The following PRPF8 variants were observed in gnomAD, a reference collection of about 807,000 sequenced individuals.
The protein encoded by PRPF8 is pre-mRNA-processing-splicing factor 8.
In PRPF8, 64 loss-of-function variants were observed where a neutral mutation model predicts 285.9. That is an observed-to-expected ratio of 0.22 (90% CI 0.18 to 0.28). The LOEUF (loss-of-function observed/expected upper bound fraction) is 0.28. Among genes scored for constraint, PRPF8 ranks in the 10% least tolerant of loss-of-function variants. The pLI, the probability that PRPF8 is intolerant of heterozygous loss-of-function variation, is 1.00. For synonymous variants in PRPF8, 1,325 were observed against 1,118.2 expected, an observed-to-expected ratio of 1.18 and a Z score of -3.69; for missense variants, 1,426 against 3,026.7, an observed-to-expected ratio of 0.47 and a Z score of 12.41.
rs116085369 is a variant in PRPF8 at position 1,651,971 on chromosome 17, G to A, written c.6370-183C>T. ...CAAAATGTTAGACATGGACCTCATCGCGGACTTACCACATCAGAATCTCCT... is the reference window on the plus strand; with the variant it reads ...CAAAATGTTAGACATGGACCTCATCACGGACTTACCACATCAGAATCTCCT... On this transcript the variant is annotated intron_variant, in intron 39 of 42. Coordinates refer to ENST00000304992, the MANE Select transcript of PRPF8 (RefSeq NM_006445.4). The surrounding 1 kb of genome is among the most constrained non-coding windows in gnomAD (Gnocchi z 5.1). 2.3e-3 allele frequency: 1,710 copies of A among 752,570 alleles called. 20 individuals carry two copies. In the African/African-American group the frequency reaches 0.026, roughly 12 times the overall value. The allele number at this position is 752,570 out of a possible 1,614,324, so 46.6% of individuals were successfully genotyped here.
chr17:1,655,665 C>CCA, intron 36 of PRPF8, 122 bp from the exon 37 acceptor site: 1 of 862,572 alleles, frequency 1.2e-6, no homozygotes, highest in Non-Finnish European at 1.9e-6. Flanking sequence ...CTTGCTCTGT[C>CCA]GCCCAGGCTG....
At chr17:1,655,316 A>ACCT in intron 37 of PRPF8, 34 bp downstream of exon 37, 1 of 1,610,836 alleles carries the variant, frequency 6.2e-7, no homozygotes, top group Non-Finnish European at 8.5e-7. Context: ...CCGTATATAG[A>ACCT]CCTCCTGTCT....
rs1182937970 is a variant in PRPF8, at chr17:1,679,639, C to T, written c.1259G>A (p.Arg420Gln). The change falls in exon 9 of 43, where the codon CGG (arginine) becomes CAG (glutamine). Residue 420 changes from arginine (R) to glutamine (Q), a missense_variant. This residue lies in a region of PRPF8 where 137 missense variants were observed against 161.2 expected (regional missense o/e 0.85). Coordinates refer to ENST00000304992, the MANE Select transcript of PRPF8 (RefSeq NM_006445.4). The surrounding 1 kb of genome is among the most constrained non-coding windows in gnomAD (Gnocchi z 4.7). ...CTTGACAAGGGGTATGTCCAGGGCC[C>T]GACGGGTGCGACCAGAGCGTAGGTT... ...PFNLRSGRTR[R>Q]ALDIPLVKNW... The T allele has an allele frequency of 6.2e-7, 1 of 1,613,892 alleles. No individual in the cohort carries two copies. The highest frequency in any genetic ancestry group is 8.5e-7 in the Non-Finnish European group (1 of 1,180,006).
chr17:1,656,910 C>T, intron 34 of PRPF8, 149 bp from the exon 35 acceptor site: 4 of 788,966 alleles, frequency 5.1e-6, no homozygotes, highest in Non-Finnish European at 8.5e-6. Context: ...CAAAGAGTAT[C>T]AAATGGCCGT....
In PRPF8 at chr17:1,659,865, C is replaced by T. The variant is rs779742385; in HGVS notation, c.4922G>A (p.Arg1641Gln). Residue 1641 changes from arginine to glutamine, a missense_variant, in exon 31 of 43, where the codon CGG becomes CAG. By Grantham distance (43) the Arg-to-Gln change is conservative. Coordinates refer to ENST00000304992, the MANE Select transcript of PRPF8 (RefSeq NM_006445.4). This position sits in a 1 kb window ranked among gnomAD's most constrained non-coding sequence, Gnocchi z 5.1. ...CTTGGAGTCAGCCAGCAATGAGGGCCGGGAGACATTCCACTTATAGGAGGC... is the reference window on the plus strand; with the variant it reads ...CTTGGAGTCAGCCAGCAATGAGGGCTGGGAGACATTCCACTTATAGGAGGC... ...LFASYKWNVS[R>Q]PSLLADSKDV... 4 of 1,614,102 alleles carry T rather than the reference C, an allele frequency of 2.5e-6. No individual in the cohort carries two copies. The highest frequency in any genetic ancestry group is 1.1e-5 in the South Asian group (1 of 91,082).
In PRPF8 at chr17:1,684,523, G is replaced by A. The variant is rs1913129357; in HGVS notation, c.49C>T (p.Pro17Ser). The change falls in exon 2 of 43, where the codon CCT (proline) becomes TCT (serine). Residue 17 changes from proline to serine, a missense_variant. Coordinates refer to ENST00000304992, the MANE Select transcript of PRPF8 (RefSeq NM_006445.4). The part of the protein sequence containing the change: ...YRGPGNPVPG[P>S]LAPLPDYMSE... The stretch of plus-strand genomic sequence containing the variant: ...ATGTAGTCCGGTAGCGGGGCTAGAG[G>A]GCCAGGCACCGGGTTACCCGGCCCT... 1.9e-6 allele frequency: 3 copies of A among 1,612,618 alleles called. No individual in the cohort carries two copies. The highest frequency in any genetic ancestry group is 2.5e-6 in the Non-Finnish European group (3 of 1,179,848).
Position 1,677,145 on chromosome 17 carries a change from G to A in PRPF8, c.2012C>T (p.Thr671Ile). 6.2e-7 allele frequency: 1 copy of A among 1,613,782 alleles called. No individual in the cohort carries two copies. The highest frequency in any genetic ancestry group is 8.5e-7 in the Non-Finnish European group (1 of 1,180,018). Residue 671 changes from threonine (T) to isoleucine (I), a missense_variant, in exon 15 of 43, where the codon ACA becomes ATA. By Grantham distance (89) the Thr-to-Ile change is moderately conservative. Around this residue, in one of 34 missense-constraint regions of PRPF8, gnomAD observed 7 missense variants for 67.9 expected, o/e 0.10. Coordinates refer to ENST00000304992, the MANE Select transcript of PRPF8 (RefSeq NM_006445.4). The stretch of plus-strand genomic sequence containing the variant: ...TGACTCCACTCGCTGCTTTGTTACT[G>A]TCTTTGCCACCCCCTTTGAGTGTCG... ...EGRHSKGVAK[T>I]VTKQRVESHF...
At chr17:1,660,076 T>C (rs1458437402) in intron 30 of PRPF8, 75 bp from the exon 31 acceptor site, 17 of 1,514,648 alleles carry the variant, frequency 1.1e-5, no homozygotes, top group Non-Finnish European at 1.6e-5. Context: ...AATAAGATAA[T>C]GAGGCAATAG....
Position 1,653,271 on chromosome 17 carries a change from G to A in PRPF8, c.6369+271C>T, listed in dbSNP as rs968069445. The A allele has an allele frequency of 1.4e-5, 8 of 574,482 alleles. No homozygotes were observed. The highest frequency in any genetic ancestry group is 9.1e-5 in the East Asian group (3 of 33,010). The allele number at this position is 574,482 out of a possible 1,614,324, so 35.6% of individuals were successfully genotyped here. A position where few individuals can be genotyped will look rare whatever the true frequency, so the allele number is the denominator to read the frequency against. ...TGGGATTACAGGCATGAGCCAGCAC[G>A]CACACCTGGTCAGGAATTTGTTTCT... On this transcript the variant is annotated intron_variant, in intron 39 of 42. Coordinates refer to ENST00000304992, the MANE Select transcript of PRPF8 (RefSeq NM_006445.4). This position sits in a 1 kb window ranked among gnomAD's most constrained non-coding sequence, Gnocchi z 4.9.
Position 1,675,020 on chromosome 17 carries a change from G to A in PRPF8, c.3060+132C>T, listed in dbSNP as rs576914631. On this transcript the variant is annotated intron_variant, in intron 20 of 42. Transcript: ENST00000304992. This position sits in a 1 kb window ranked among gnomAD's most constrained non-coding sequence, Gnocchi z 6.0. ...GAACTCCTGACCTCGTGATCTGCCC[G>A]CCTCAGCCTCCCAAAGTGCTGGGAT... The A allele has an allele frequency of 1.1e-4, 112 of 1,058,896 alleles. No individual in the cohort carries two copies. Among genetic ancestry groups the A allele is most frequent in the Non-Finnish European group, 1.4e-4 (102 of 703,714 alleles). 65.6% of individuals were successfully genotyped at this position (1,058,896 alleles called of 1,614,324 possible). A position where few individuals can be genotyped will look rare whatever the true frequency, so the allele number is the denominator to read the frequency against.
Position 1,679,489 on chromosome 17 carries a change from T to C in PRPF8, c.1290-79A>G. 3 of 1,595,620 alleles carry C rather than the reference T, an allele frequency of 1.9e-6. No individual in the cohort carries two copies. The highest frequency in any genetic ancestry group is 2.6e-6 in the Non-Finnish European group (3 of 1,175,580). On this transcript the variant is annotated intron_variant, in intron 9 of 42. Coordinates refer to ENST00000304992, the MANE Select transcript of PRPF8 (RefSeq NM_006445.4). The surrounding 1 kb of genome is among the most constrained non-coding windows in gnomAD (Gnocchi z 4.7). ...TAAAGGCTGCAAGCCTTGGGTTGTC[T>C]ACCATTTTTATGGGAAAAAAAAAAA...
chr17:1,660,111 G>A lies in PRPF8; in HGVS notation c.4786-110C>T, dbSNP rs560228050. On this transcript the variant is annotated intron_variant, in intron 30 of 42. Coordinates refer to ENST00000304992, the MANE Select transcript of PRPF8 (RefSeq NM_006445.4). ...GGAGTCTCATCCTCAGAGCTTCCAG[G>A]GTGGATTTCCCATATGCAAAAGAGC... 1.8e-4 allele frequency: 246 copies of A among 1,331,486 alleles called. 1 individual carries two copies. The African/African-American group carries it at 3.3e-3, about 18-fold the overall frequency. The allele number at this position is 1,331,486 out of a possible 1,614,324, so 82.5% of individuals were successfully genotyped here.
chr17:1,654,022 G>A lies in PRPF8; in HGVS notation c.5988-6C>T. On this transcript the variant is annotated splice_region_variant and splice_polypyrimidine_tract_variant and intron_variant, in intron 37 of 42. Coordinates refer to ENST00000304992, the MANE Select transcript of PRPF8 (RefSeq NM_006445.4). ...TCAGTGATGCCACGTTCACACTGTG[G>A]GGATGGTGTGGGTTATATTACAAGG... 1 of 1,614,178 alleles carries A rather than the reference G, an allele frequency of 6.2e-7. No homozygotes were observed. Among genetic ancestry groups the A allele is most frequent in the Non-Finnish European group, 8.5e-7 (1 of 1,180,040 alleles).
intron 8 of PRPF8, 132 bp downstream of exon 8, chr17:1,680,594 G>A (rs754814119): frequency 1.2e-5 from 10 of 820,686 alleles, no homozygotes; most frequent in African/African-American, 1.7e-5. Flanking sequence ...TCTCATATTC[G>A]CTTATAGCTC....
intron 30 of PRPF8, 71 bp from the exon 31 acceptor site, chr17:1,660,072 A>G: frequency 6.5e-7 from 1 of 1,527,214 alleles, no homozygotes; most frequent in Non-Finnish European, 9.1e-7. Context: ...GTACAATAAG[A>G]TAATGAGGCA....
intron 37 of PRPF8, chr17:1,654,519 G>A (rs754343991): frequency 6.8e-5 from 16 of 236,892 alleles, no homozygotes; most frequent in Non-Finnish European, 1.3e-4. Flanking sequence ...GTTTGAAATG[G>A]CAACAGTGAG....
chr17:1,677,497 G>C, intron 14 of PRPF8, 68 bp downstream of exon 14: 1 of 1,610,246 alleles, frequency 6.2e-7, no homozygotes, highest in Non-Finnish European at 8.5e-7. Flanking sequence ...GCAGGGAACA[G>C]ACTCAAACAG....
chr17:1,661,973 G>A lies in PRPF8; in HGVS notation c.3955C>T (p.Pro1319Ser). 6.2e-7 allele frequency: 1 copy of A among 1,614,068 alleles called. No homozygotes were observed. Among genetic ancestry groups the A allele is most frequent in the Non-Finnish European group, 8.5e-7 (1 of 1,180,030 alleles). ...SRFPPVVFYT[P>S]KELGGLGMLS... is the part of the protein sequence containing the mutation. ...ATGCCGAGTCCACCCAACTCCTTAG[G>A]GGTGTAGAACACAACCGGGGGGAAC... The change falls in exon 25 of 43, where the codon CCT becomes TCT. Residue 1319 changes from proline to serine, a missense_variant. Around this residue, in one of 34 missense-constraint regions of PRPF8, gnomAD observed 25 missense variants for 106.8 expected, o/e 0.23. Transcript: ENST00000304992. The surrounding 1 kb of genome is among the most constrained non-coding windows in gnomAD (Gnocchi z 7.3).
Position 1,684,577 on chromosome 17 carries a change from G to C in PRPF8, c.-6C>G, listed in dbSNP as rs748091686. 1 of 1,612,326 alleles carries C rather than the reference G, an allele frequency of 6.2e-7. No individual in the cohort carries two copies. Among genetic ancestry groups the C allele is most frequent in the South Asian group, 1.1e-5 (1 of 91,082 alleles). Reference sequence around the variant, plus strand: ...TAAGGAAACACTCCGGCCATATCCGGAGAATCTGGGGAGCGGCGGGATAGA... The same window carrying C: ...TAAGGAAACACTCCGGCCATATCCGCAGAATCTGGGGAGCGGCGGGATAGA... On this transcript the variant is annotated 5_prime_UTR_variant, in exon 2 of 43. Transcript: ENST00000304992.
Sources: allele counts gnomAD v4.1 joint callset, GRCh38; gene constraint gnomAD v4.1.1; regional missense constraint gnomAD v4.1.1; non-coding constraint Gnocchi (gnomAD v3.1); transcripts MANE v1.5; gene names NCBI Gene and HGNC (gene_info 2026-07-23, HGNC 2026-07-21).